The following ZNRF1 variants were observed in gnomAD, a reference collection of about 807,000 sequenced individuals.
ZNRF1 encodes E3 ubiquitin-protein ligase ZNRF1.
ZNRF1 carries 3 observed loss-of-function variants against 18.4 expected under a neutral mutation model. That is an observed-to-expected ratio of 0.16 (90% CI 0.07 to 0.42). The LOEUF is 0.42. Ranked by LOEUF, ZNRF1 falls within the 10% of genes least tolerant of loss-of-function variation. ZNRF1 has a pLI of 0.99. For synonymous variants in ZNRF1, 157 were observed against 144.2 expected (o/e 1.09, Z -0.64); for missense variants, 310 against 329.8 (o/e 0.94, Z 0.47).
At chr16:75,043,958 T>G (rs2035482869) in intron 1 of ZNRF1, among the ~76,000 whole-genome samples, 1 of 151,764 alleles carries the variant, frequency 6.6e-6, no homozygotes, top group African/African-American at 2.4e-5. Flanking sequence ...CCCGGCTAAT[T>G]TTGTATTTGT....
chr16:75,029,978 G>C (rs1023570342), intron 1 of ZNRF1, among the ~76,000 whole-genome samples: 42 of 150,326 alleles, frequency 2.8e-4, no homozygotes, highest in African/African-American at 9.3e-4. Context: ...AGGGAAGATT[G>C]CTTGAACCCA....
At chr16:75,006,426 A>T (rs2034917949) in intron 1 of ZNRF1, among the ~76,000 whole-genome samples, 1 of 151,348 alleles carries the variant, frequency 6.6e-6, no homozygotes, top group African/African-American at 2.4e-5. Flanking sequence ...AACCTCAGTC[A>T]GTTTGTTTGT....
intron 1 of ZNRF1, among the ~76,000 whole-genome samples, chr16:75,085,180 C>T (rs1207879156): frequency 1.3e-5 from 2 of 152,162 alleles, no homozygotes; most frequent in African/African-American, 4.8e-5. Flanking sequence ...TCTCTCATTA[C>T]CTTCTCAGTG....
At chr16:75,105,129 G>C in intron 3 of ZNRF1, 1 of 438,120 alleles carries the variant, frequency 2.3e-6, no homozygotes, top group South Asian at 2.3e-5. Flanking sequence ...GGGCTCAGGT[G>C]GTGGGAGCTG....
chr16:75,030,661 T>G (rs1597868234), intron 1 of ZNRF1, among the ~76,000 whole-genome samples: 1 of 152,168 alleles, frequency 6.6e-6, no homozygotes, highest in Admixed American at 6.6e-5. Context: ...TCCTCCATTT[T>G]CCCCTACCCA....
chr16:75,081,251 C>T (rs1359055879), intron 1 of ZNRF1, among the ~76,000 whole-genome samples: 1 of 152,172 alleles, frequency 6.6e-6, no homozygotes, highest in African/African-American at 2.4e-5. Flanking sequence ...ACAGGCAGTT[C>T]CAAGGCCAGT....
intron 1 of ZNRF1, among the ~76,000 whole-genome samples, chr16:75,078,296 CTTTT>C (rs36075131): frequency 1.8e-5 from 2 of 113,128 alleles, no homozygotes; most frequent in Admixed American, 9.8e-5. Context: ...TCTTTCTTTC[CTTTT>C]TTTTTTTTTT....
At chr16:75,063,675 C>G (rs944414970) in intron 1 of ZNRF1, among the ~76,000 whole-genome samples, 3 of 152,218 alleles carry the variant, frequency 2.0e-5, no homozygotes, top group African/African-American at 7.2e-5. Flanking sequence ...ACTGTGTGAA[C>G]TCTGAAATTC....
chr16:75,089,850 G>A (rs2145418485), intron 1 of ZNRF1, among the ~76,000 whole-genome samples: 1 of 152,200 alleles, frequency 6.6e-6, no homozygotes, highest in East Asian at 1.9e-4. Context: ...CTCCCCTCCT[G>A]CACTCAAGGA....
intron 1 of ZNRF1, among the ~76,000 whole-genome samples, chr16:75,009,595 T>A (rs2034968186): frequency 6.6e-6 from 1 of 152,208 alleles, no homozygotes; most frequent in South Asian, 2.1e-4. Flanking sequence ...TTGTTAGAAA[T>A]GTGAATTTCT....
rs56377786 is a variant in ZNRF1, at chr16:75,049,845, TTGTGTG to T, written c.425-43706_425-43701del. The stretch of plus-strand genomic sequence containing the variant: ...TCTCATCACTTTCACATGCACCCAT[TTGTGTG>T]TGTGTGTGTGTGTGTGTGTGGTTTA... On this transcript the variant is annotated intron_variant, in intron 1 of 4. Transcript: ENST00000335325. 3.1e-3 allele frequency among the ~76,000 whole-genome samples: 469 copies of T among 149,388 alleles called. 3 individuals are homozygous for T. Among genetic ancestry groups the T allele is most frequent in the African/African-American group, 0.011 (443 of 40,512 alleles).
intron 1 of ZNRF1, among the ~76,000 whole-genome samples, chr16:75,017,641 G>T (rs998860955): frequency 6.6e-6 from 1 of 152,142 alleles, no homozygotes; most frequent in African/African-American, 2.4e-5. Flanking sequence ...CTTAGACTAG[G>T]CCTAAAACTG....
At chr16:75,006,521 C>T (rs1244391987) in intron 1 of ZNRF1, among the ~76,000 whole-genome samples, 1 of 152,088 alleles carries the variant, frequency 6.6e-6, no homozygotes, top group Non-Finnish European at 1.5e-5. Context: ...CTGCAACGTC[C>T]ACTTCCCGGG....
chr16:75,016,382 G>A (rs1441652077), intron 1 of ZNRF1, among the ~76,000 whole-genome samples: 1 of 151,686 alleles, frequency 6.6e-6, no homozygotes, highest in African/African-American at 2.4e-5. Flanking sequence ...GGGATTACAG[G>A]CACACGCCAC....
At chr16:75,021,415 C>A (rs1031438275) in intron 1 of ZNRF1, among the ~76,000 whole-genome samples, 3 of 152,196 alleles carry the variant, frequency 2.0e-5, no homozygotes, top group African/African-American at 7.2e-5. Context: ...AATTCACTCA[C>A]CTGCTTGCCA....
chr16:74,999,043 G>A lies in ZNRF1; in HGVS notation c.-629G>A, dbSNP rs1242188691. On this transcript the variant is annotated 5_prime_UTR_variant, in exon 1 of 5. Transcript: ENST00000335325. ...CCCTCCATTGTCTCCACGGCGGCGAGGAGCGCCGGCGAGCGCAGCCCGGGA... is the reference window on the plus strand; with the variant it reads ...CCCTCCATTGTCTCCACGGCGGCGAAGAGCGCCGGCGAGCGCAGCCCGGGA... 6.6e-6 allele frequency: 1 copy of A among 150,864 alleles called. No individual in the cohort carries two copies. The highest frequency in any genetic ancestry group is 2.4e-5 in the African/African-American group (1 of 41,240). 9.3% of individuals were successfully genotyped at this position (150,864 alleles called of 1,614,324 possible).
intron 1 of ZNRF1, among the ~76,000 whole-genome samples, chr16:75,075,588 A>G (rs1183124867): frequency 1.3e-5 from 2 of 152,142 alleles, no homozygotes; most frequent in Non-Finnish European, 2.9e-5. Flanking sequence ...CCTTTTTCAC[A>G]CATTTCCGTG....
At chr16:75,002,535 C>A (rs8051077) in intron 1 of ZNRF1, among the ~76,000 whole-genome samples, 8,969 of 152,238 alleles carry the variant, frequency 0.059, 469 homozygotes, top group Admixed American at 0.12. Context: ...CAGTGAAATA[C>A]ATGAGGGAGT....
chr16:75,054,730 CCT>C (rs1305538786), intron 1 of ZNRF1, among the ~76,000 whole-genome samples: 4 of 152,220 alleles, frequency 2.6e-5, no homozygotes, highest in African/African-American at 9.6e-5. Context: ...TGATTTCTCC[CCT>C]GATACTAATC....
Sources: gnomAD v4.1 joint callset for allele counts (sites outside exome capture counted in the v4.1 genomes callset) on GRCh38, gnomAD v4.1.1 for gene constraint, MANE v1.5 for transcripts, NCBI Gene and HGNC (gene_info 2026-07-23, HGNC 2026-07-21) for gene names.